Variants in PIEZO2 observed in about 807,000 individuals in gnomAD.
The protein encoded by PIEZO2 is piezo-type mechanosensitive ion channel component 2.
PIEZO2 carries 172 observed loss-of-function variants against 337.3 expected under a neutral mutation model. That is an observed-to-expected ratio of 0.51 (90% CI 0.45 to 0.58). The LOEUF is 0.58. Among genes scored for constraint, PIEZO2 ranks in the 20% least tolerant of loss-of-function variants. The pLI is 0.00. For missense variants in PIEZO2, 3,028 were observed against 3,391.3 expected (o/e 0.89, Z 2.66); for synonymous variants, 1,251 against 1,228.5 (o/e 1.02, Z -0.38).
chr18:10,804,109 GT>G, intron 8 of PIEZO2, 115 bp from the exon 9 acceptor site: 1 of 1,231,822 alleles, frequency 8.1e-7, no homozygotes, highest in Non-Finnish European at 1.1e-6. Context: ...CAAAGTGAAT[GT>G]TTACAATATA....
intron 3 of PIEZO2, among the ~76,000 whole-genome samples, chr18:10,931,390 A>G (rs2032074797): frequency 1.3e-5 from 2 of 152,022 alleles, no homozygotes; most frequent in Non-Finnish European, 2.9e-5. Flanking sequence ...TAGTAGAGAC[A>G]GGGTTTCATC....
intron 2 of PIEZO2, among the ~76,000 whole-genome samples, chr18:11,045,320 A>AAAG (rs1491014853): frequency 6.7e-6 from 1 of 148,474 alleles, no homozygotes; most frequent in African/African-American, 2.5e-5. Context: ...AAAAAAAAAA[A>AAAG]AGAGAAAACC....
chr18:11,010,300 G>A (rs1018586471), intron 2 of PIEZO2, among the ~76,000 whole-genome samples: 5 of 152,172 alleles, frequency 3.3e-5, no homozygotes, highest in Non-Finnish European at 5.9e-5. Flanking sequence ...TTCCAAAGTT[G>A]TAAAATAGCA....
intron 3 of PIEZO2, among the ~76,000 whole-genome samples, chr18:10,948,349 G>A (rs1433516430): frequency 1.3e-5 from 2 of 151,938 alleles, no homozygotes; most frequent in Admixed American, 6.6e-5. Context: ...AATTAATTTT[G>A]TTGACTTAGA....
At chr18:10,769,928 T>C in intron 21 of PIEZO2, 1 of 482,602 alleles carries the variant, frequency 2.1e-6, no homozygotes, top group Non-Finnish European at 3.6e-6. Context: ...GTAGCCTTTG[T>C]AATATGACCA....
chr18:11,065,742 C>T (rs1168052713), intron 2 of PIEZO2, among the ~76,000 whole-genome samples: 2 of 152,204 alleles, frequency 1.3e-5, no homozygotes, highest in South Asian at 2.1e-4. Context: ...GCTGCTCGGC[C>T]TCTTCCAGTT....
chr18:10,829,051 A>C (rs910689300), intron 7 of PIEZO2, among the ~76,000 whole-genome samples: 3 of 152,110 alleles, frequency 2.0e-5, no homozygotes, highest in African/African-American at 7.2e-5. Flanking sequence ...TTTTTCACCT[A>C]AGTTCCTTCA....
chr18:10,981,499 A>T (rs2034665203), intron 2 of PIEZO2, among the ~76,000 whole-genome samples: 1 of 152,220 alleles, frequency 6.6e-6, no homozygotes, highest in South Asian at 2.1e-4. Flanking sequence ...CTAAGTGAAG[A>T]AAAAGGCTCT....
chr18:10,736,679 T>C lies in PIEZO2; in HGVS notation c.4740A>G (p.Glu1580=), dbSNP rs1478904533. The change falls in exon 34 of 56, where the codon GAA becomes GAG. Residue 1580 remains glutamate (E), a synonymous_variant. Coordinates refer to ENST00000674853, the MANE Select transcript of PIEZO2 (RefSeq NM_001378183.1). ...MVRSGDYYLF[E]TDSEEEEEEE... is the part of the protein sequence containing the mutation. ...CCTCTTCCTCCTCTTCACTATCCGT[T>C]TCAAACAAATAATAATCTCCACTCC... 2 of 1,537,072 alleles carry C rather than the reference T, an allele frequency of 1.3e-6. No individual in the cohort carries two copies. The highest frequency in any genetic ancestry group is 1.7e-6 in the Non-Finnish European group (2 of 1,146,772).
chr18:11,049,381 G>A (rs1429088206), intron 2 of PIEZO2, among the ~76,000 whole-genome samples: 4 of 152,188 alleles, frequency 2.6e-5, no homozygotes, highest in Non-Finnish European at 4.4e-5. Context: ...ACCTTTGTAT[G>A]CCTAACTGCC....
chr18:11,075,295 A>G (rs2038489765), intron 1 of PIEZO2, among the ~76,000 whole-genome samples: 1 of 152,250 alleles, frequency 6.6e-6, no homozygotes. Context: ...AAAAAGAGAA[A>G]TAGCTACAAA....
At chr18:11,004,058 C>T (rs889721068) in intron 2 of PIEZO2, among the ~76,000 whole-genome samples, 1 of 152,160 alleles carries the variant, frequency 6.6e-6, no homozygotes, top group Non-Finnish European at 1.5e-5. Flanking sequence ...TAAGTGTGGG[C>T]CTGCCTGCAG....
At chr18:10,989,889 G>A (rs1224869196) in intron 2 of PIEZO2, among the ~76,000 whole-genome samples, 1 of 152,090 alleles carries the variant, frequency 6.6e-6, no homozygotes, top group Non-Finnish European at 1.5e-5. Flanking sequence ...AGCCTTTCTG[G>A]AAGCCATTAC....
chr18:10,978,474 G>C (rs774560700), intron 3 of PIEZO2, among the ~76,000 whole-genome samples: 17 of 152,202 alleles, frequency 1.1e-4, no homozygotes, highest in Non-Finnish European at 2.1e-4. Flanking sequence ...AAATCGTCTT[G>C]ATAGGCATTG....
At chr18:10,699,750 A>G (rs2035256131) in intron 43 of PIEZO2, among the ~76,000 whole-genome samples, 1 of 152,242 alleles carries the variant, frequency 6.6e-6, no homozygotes, top group Admixed American at 6.5e-5. Flanking sequence ...GGAGACAGAT[A>G]GCTTTTGGCA....
chr18:10,879,124 T>C (rs2042343644), intron 4 of PIEZO2, among the ~76,000 whole-genome samples: 1 of 152,216 alleles, frequency 6.6e-6, no homozygotes. Context: ...TTCTCTAACC[T>C]AATCATAAGT....
rs2040817878 is a variant in PIEZO2, at chr18:11,146,587, C to A, written c.64+1938G>T. ...GGAGTTTTTAGCATAGGCCACCAAC[C>A]TTTAGTAGGACTGACAGGCCCCAAC... is the stretch of plus-strand genomic sequence containing the variant. On this transcript the variant is annotated intron_variant, in intron 1 of 55. Coordinates refer to ENST00000674853, the MANE Select transcript of PIEZO2 (RefSeq NM_001378183.1). This position sits in a 1 kb window ranked among gnomAD's most constrained non-coding sequence, Gnocchi z 6.1. 6.6e-6 allele frequency among the ~76,000 whole-genome samples: 1 copy of A among 152,222 alleles called. No individual in the cohort carries two copies. Among genetic ancestry groups the A allele is most frequent in the African/African-American group, 2.4e-5 (1 of 41,464 alleles).
chr18:10,884,175 C>A (rs2042506752), intron 4 of PIEZO2, among the ~76,000 whole-genome samples: 1 of 152,182 alleles, frequency 6.6e-6, no homozygotes, highest in African/African-American at 2.4e-5. Context: ...ATTTGTCTTT[C>A]TACGCCTGGC....
chr18:10,702,212 T>G, intron 42 of PIEZO2, 41 bp from the exon 43 acceptor site: 3 of 1,502,718 alleles, frequency 2.0e-6, no homozygotes, highest in South Asian at 1.2e-5. Flanking sequence ...TTACTCCTTT[T>G]AGGAATAGAT....
Sources: allele counts gnomAD v4.1 joint callset (sites outside exome capture counted in the v4.1 genomes callset), GRCh38; gene constraint gnomAD v4.1.1; non-coding constraint Gnocchi (gnomAD v3.1); transcripts MANE v1.5; gene names NCBI Gene and HGNC (gene_info 2026-07-23, HGNC 2026-07-21).